The following SLC2A13 variants were observed in gnomAD, a reference collection of about 807,000 sequenced individuals.
SLC2A13 encodes solute carrier family 2 member 13, also known as proton myo-inositol cotransporter.
A neutral mutation model predicts 64.4 loss-of-function variants in SLC2A13; 32 were observed. The ratio of observed to expected loss-of-function variants is 0.50; its 90% CI spans 0.37 to 0.67. SLC2A13 has a LOEUF of 0.67. Among genes scored for constraint, SLC2A13 ranks in the 30% least tolerant of loss-of-function variants. The pLI, the probability that SLC2A13 is intolerant of heterozygous loss-of-function variation, is 0.00. For missense variants in SLC2A13, 743 were observed against 829.2 expected, an observed-to-expected ratio of 0.90 and a Z score of 1.28; for synonymous variants, 338 against 327.1, an observed-to-expected ratio of 1.03 and a Z score of -0.36.
At chr12:39,990,754 T>C (rs964575198) in intron 3 of SLC2A13, among the ~76,000 whole-genome samples, 2 of 152,196 alleles carry the variant, frequency 1.3e-5, no homozygotes, top group Non-Finnish European at 2.9e-5. Context: ...ATCCATACTT[T>C]ATGTATGCAT....
At chr12:39,832,261 T>C (rs550182532) in intron 6 of SLC2A13, among the ~76,000 whole-genome samples, 8 of 152,302 alleles carry the variant, frequency 5.3e-5, no homozygotes, top group African/African-American at 1.7e-4. Context: ...TAATTTCTAC[T>C]AGTATTTTGT....
chr12:39,826,999 TAA>T lies in SLC2A13; in HGVS notation c.1445+3102_1445+3103del, dbSNP rs1432689014. On this transcript the variant is annotated intron_variant, in intron 7 of 9. Transcript: ENST00000280871. ...TTAACTGTGGTTTTACCATTACTTT[TAA>T]TGGCAAAAAGTAATGGTAAAACCGC... 4.6e-5 allele frequency among the ~76,000 whole-genome samples: 7 copies of T among 150,856 alleles called. No individual in the cohort carries two copies. The South Asian group carries it at 8.5e-4, about 18-fold the overall frequency.
intron 3 of SLC2A13, among the ~76,000 whole-genome samples, chr12:40,007,662 T>C (rs2136190333): frequency 6.6e-6 from 1 of 152,348 alleles, no homozygotes; most frequent in South Asian, 2.1e-4. Context: ...TTAGTTCTTC[T>C]ATTTCCTAAC....
chr12:39,802,361 C>T (rs1329490485), intron 7 of SLC2A13: 1 of 152,116 alleles, frequency 6.6e-6, no homozygotes, highest in Admixed American at 6.5e-5. Context: ...TATGAGTAAA[C>T]AGCAAGTGCA....
In SLC2A13 at chr12:39,980,629, C is replaced by T. The variant is rs924810569; in HGVS notation, c.926-29264G>A. Among the ~76,000 whole-genome samples, 1,121 of 149,818 alleles carry T rather than the reference C, an allele frequency of 7.5e-3. 6 individuals are homozygous for T. The highest frequency in any genetic ancestry group is 0.025 in the African/African-American group (1,046 of 41,134). ...AATTCAACAAGAGGAGCTAACTATCCTAAATATATATGCACCCAATACAGG... is the reference window on the plus strand; with the variant it reads ...AATTCAACAAGAGGAGCTAACTATCTTAAATATATATGCACCCAATACAGG... On this transcript the variant is annotated intron_variant, in intron 3 of 9. Coordinates refer to ENST00000280871, the MANE Select transcript of SLC2A13 (RefSeq NM_052885.4).
chr12:40,064,062 G>A (rs892773850), intron 1 of SLC2A13, among the ~76,000 whole-genome samples: 3 of 152,038 alleles, frequency 2.0e-5, no homozygotes, highest in Non-Finnish European at 4.4e-5. Context: ...GGGCAACACA[G>A]TAAGAACCTG....
rs939139200 is a variant in SLC2A13 at position 39,841,489 on chromosome 12, A to C, written c.1320-11261T>G. Among the ~76,000 whole-genome samples, 24 of 152,222 alleles carry C rather than the reference A, an allele frequency of 1.6e-4. No individual in the cohort carries two copies. The East Asian group carries it at 2.7e-3, about 17-fold the overall frequency. On this transcript the variant is annotated intron_variant, in intron 6 of 9. Transcript: ENST00000280871. Reference sequence around the variant, plus strand: ...TTCTGTTACACTGAATGAATGTTTGATCAACATAGTTAAAAACCTCAATTG... The same window carrying C: ...TTCTGTTACACTGAATGAATGTTTGCTCAACATAGTTAAAAACCTCAATTG...
In SLC2A13 at chr12:39,988,577, T is replaced by A. The variant is rs572951968; in HGVS notation, c.926-37212A>T. On this transcript the variant is annotated intron_variant, in intron 3 of 9. Coordinates refer to ENST00000280871, the MANE Select transcript of SLC2A13 (RefSeq NM_052885.4). ...AGGAAAGAAAGAAAGAGAAAAAGAA[T>A]GAATGAAAAAAAGAGGAAGAAGAAG... Among the ~76,000 whole-genome samples, 12 of 135,988 alleles carry A rather than the reference T, an allele frequency of 8.8e-5. No individual in the cohort carries two copies. In the South Asian group the frequency reaches 2.2e-3, roughly 25 times the overall value. The allele number at this position is 135,988 out of a possible 152,430, so 89.2% of individuals were successfully genotyped here. A position where few individuals can be genotyped will look rare whatever the true frequency, so the allele number is the denominator to read the frequency against.
At chr12:40,023,601 T>C (rs554064150) in intron 3 of SLC2A13, among the ~76,000 whole-genome samples, 1 of 152,378 alleles carries the variant, frequency 6.6e-6, no homozygotes, top group African/African-American at 2.4e-5. Context: ...TTACTTCCTT[T>C]GTCATGAGAG....
chr12:40,086,904 C>T (rs1298232135), intron 1 of SLC2A13, among the ~76,000 whole-genome samples: 6 of 152,180 alleles, frequency 3.9e-5, no homozygotes, highest in Admixed American at 3.9e-4. Flanking sequence ...AGTCCCAGGA[C>T]ACATATTTTC....
At chr12:39,817,985 C>G (rs1448916203) in intron 7 of SLC2A13, among the ~76,000 whole-genome samples, 1 of 152,146 alleles carries the variant, frequency 6.6e-6, no homozygotes, top group Non-Finnish European at 1.5e-5. Flanking sequence ...GTCAGTTTCT[C>G]CTCTGCTTTG....
At chr12:40,044,422 C>T (rs1948141785) in intron 2 of SLC2A13, among the ~76,000 whole-genome samples, 1 of 152,072 alleles carries the variant, frequency 6.6e-6, no homozygotes, top group Non-Finnish European at 1.5e-5. Flanking sequence ...TGTGAATACA[C>T]TAAAAGCCAA....
At chr12:39,896,721 G>GTA (rs1225949175) in intron 4 of SLC2A13, among the ~76,000 whole-genome samples, 1 of 151,816 alleles carries the variant, frequency 6.6e-6, no homozygotes, top group African/African-American at 2.4e-5. Context: ...GTATTTTATA[G>GTA]TATACCCTAA....
chr12:39,840,908 A>G (rs376979618), intron 6 of SLC2A13, among the ~76,000 whole-genome samples: 1 of 152,256 alleles, frequency 6.6e-6, no homozygotes, highest in East Asian at 1.9e-4. Flanking sequence ...TTATATTGAT[A>G]GAAGATTTGG....
intron 4 of SLC2A13, among the ~76,000 whole-genome samples, chr12:39,913,306 T>C (rs1296030127): frequency 1.3e-5 from 2 of 151,976 alleles, no homozygotes; most frequent in African/African-American, 2.4e-5. Flanking sequence ...AAGAGAACAA[T>C]AGACCTTGTA....
chr12:39,976,514 G>A (rs1002609183), intron 3 of SLC2A13, among the ~76,000 whole-genome samples: 2 of 152,012 alleles, frequency 1.3e-5, no homozygotes, highest in African/African-American at 2.4e-5. Flanking sequence ...TTTCATTAAT[G>A]TTACCTCTGG....
intron 5 of SLC2A13, among the ~76,000 whole-genome samples, chr12:39,868,454 T>C (rs1943962068): frequency 6.6e-6 from 1 of 152,222 alleles, no homozygotes; most frequent in Non-Finnish European, 1.5e-5. Context: ...TCTCACACTT[T>C]GTGTGCATAA....
At chr12:39,876,851 G>A (rs78473486) in intron 4 of SLC2A13, among the ~76,000 whole-genome samples, 3 of 152,110 alleles carry the variant, frequency 2.0e-5, no homozygotes, top group African/African-American at 7.2e-5. Flanking sequence ...ATTAACTGCT[G>A]ACTTACTCAA....
At chr12:39,877,421 C>A (rs1237106000) in intron 4 of SLC2A13, among the ~76,000 whole-genome samples, 2 of 152,188 alleles carry the variant, frequency 1.3e-5, no homozygotes, top group African/African-American at 4.8e-5. Flanking sequence ...TCAATTACCT[C>A]CCATTGAGTC....
Sources: allele counts gnomAD v4.1 joint callset (sites outside exome capture counted in the v4.1 genomes callset), GRCh38; gene constraint gnomAD v4.1.1; transcripts MANE v1.5; gene names NCBI Gene and HGNC (gene_info 2026-07-23, HGNC 2026-07-21).